Variants in ARHGAP39 observed in about 807,000 individuals in gnomAD.
The protein encoded by ARHGAP39 is rho GTPase-activating protein 39.
Under a neutral mutation model 106.9 loss-of-function variants are expected in ARHGAP39, and 44 were observed. The ratio of observed to expected loss-of-function variants is 0.41; its 90% CI spans 0.32 to 0.53. The LOEUF (loss-of-function observed/expected upper bound fraction) is 0.53. Ranked by LOEUF, ARHGAP39 falls within the 20% of genes least tolerant of loss-of-function variation. The pLI is 0.21. For synonymous variants in ARHGAP39, 768 were observed against 693.2 expected, an observed-to-expected ratio of 1.11 and a Z score of -1.69; for missense variants, 1,496 against 1,577.3, an observed-to-expected ratio of 0.95 and a Z score of 0.87.
intron 1 of ARHGAP39, among the ~76,000 whole-genome samples, chr8:144,672,236 G>C (rs1250548974): frequency 6.6e-6 from 1 of 152,184 alleles, no homozygotes; most frequent in Non-Finnish European, 1.5e-5. Context: ...CAGATTCCGG[G>C]GAAACTTACA....
At chr8:144,654,363 G>C (rs938145977) in intron 1 of ARHGAP39, among the ~76,000 whole-genome samples, 8 of 152,082 alleles carry the variant, frequency 5.3e-5, no homozygotes, top group African/African-American at 1.9e-4. Flanking sequence ...AAATTACCTG[G>C]GCATGGTGGC....
chr8:144,628,520 G>A (rs543530733), intron 1 of ARHGAP39, among the ~76,000 whole-genome samples: 2 of 152,302 alleles, frequency 1.3e-5, no homozygotes, highest in Non-Finnish European at 2.9e-5. Flanking sequence ...AGCAAATGCT[G>A]GCAGAACTGA....
intron 3 of ARHGAP39, among the ~76,000 whole-genome samples, chr8:144,558,143 A>G (rs1586903647): frequency 6.6e-6 from 1 of 152,388 alleles, no homozygotes; most frequent in Non-Finnish European, 1.5e-5. Flanking sequence ...TGCTGTATCA[A>G]TATGAATAAT....
intron 2 of ARHGAP39, among the ~76,000 whole-genome samples, chr8:144,600,605 C>T (rs897385861): frequency 8.9e-5 from 12 of 134,090 alleles, no homozygotes; most frequent in African/African-American, 3.2e-4. Flanking sequence ...TGTGCGTGTT[C>T]GTGGAGGCGT....
chr8:144,657,262 A>G (rs113104774), intron 1 of ARHGAP39, among the ~76,000 whole-genome samples: 5,506 of 152,084 alleles, frequency 0.036, 350 homozygotes, highest in African/African-American at 0.13. Flanking sequence ...AAGACAAAAA[A>G]GGAAATGAAA....
intron 3 of ARHGAP39, among the ~76,000 whole-genome samples, chr8:144,580,504 C>T (rs1818931417): frequency 6.6e-6 from 1 of 152,194 alleles, no homozygotes; most frequent in Admixed American, 6.5e-5. Flanking sequence ...GGGACAGCAG[C>T]GGTGGCTGCT....
chr8:144,628,101 CAG>C (rs1217566953), intron 1 of ARHGAP39, among the ~76,000 whole-genome samples: 3 of 152,218 alleles, frequency 2.0e-5, no homozygotes, highest in African/African-American at 7.2e-5. Context: ...GGCTCTCACT[CAG>C]GGTATTTTGA....
intron 3 of ARHGAP39, among the ~76,000 whole-genome samples, chr8:144,573,951 T>C (rs1315977909): frequency 6.6e-6 from 1 of 151,920 alleles, no homozygotes; most frequent in Non-Finnish European, 1.5e-5. Flanking sequence ...GGCAGGCAGA[T>C]CACTTGAGAC....
intron 3 of ARHGAP39, among the ~76,000 whole-genome samples, chr8:144,566,187 C>T (rs1396096088): frequency 2.0e-5 from 3 of 152,156 alleles, no homozygotes; most frequent in African/African-American, 4.8e-5. Flanking sequence ...AGAAGCTACA[C>T]GAACCCCAGC....
At chr8:144,572,948 G>A (rs961584970) in intron 3 of ARHGAP39, among the ~76,000 whole-genome samples, 8 of 152,150 alleles carry the variant, frequency 5.3e-5, no homozygotes, top group Admixed American at 3.3e-4. Flanking sequence ...TTAGAATGGC[G>A]ATCATTAAAA....
chr8:144,539,099 T>C lies in ARHGAP39; in HGVS notation c.2522-1286A>G, dbSNP rs184897747. Among the ~76,000 whole-genome samples the C allele has an allele frequency of 4.3e-3, 656 of 152,240 alleles. 2 individuals are homozygous for C. The highest frequency in any genetic ancestry group is 6.9e-3 in the Admixed American group (106 of 15,284). On this transcript the variant is annotated intron_variant, in intron 6 of 11. Transcript: ENST00000377307. The stretch of plus-strand genomic sequence containing the variant: ...TCCAAGGAACTCTGGATCGTTTTAA[T>C]GGAAAATGGTATTTAGAAACCAAGA...
At position 144,679,897 on chromosome 8, in the gene ARHGAP39, G is replaced by A. The variant is rs1186947385; in HGVS notation, c.-82+5789C>T. Among the ~76,000 whole-genome samples, 3 of 152,148 alleles carry A rather than the reference G, an allele frequency of 2.0e-5. No individual in the cohort carries two copies. Among genetic ancestry groups the A allele is most frequent in the South Asian group, 2.1e-4 (1 of 4,826 alleles). On this transcript the variant is annotated intron_variant, in intron 1 of 11. Coordinates refer to ENST00000377307, the MANE Select transcript of ARHGAP39 (RefSeq NM_025251.3). The surrounding 1 kb of genome is among the most constrained non-coding windows in gnomAD (Gnocchi z 4.7). ...TGGGAGGCTGAGGCAGGAGAATGGCGTGAACCCAGGATGCGGAGCTTGCAG... is the reference window on the plus strand; with the variant it reads ...TGGGAGGCTGAGGCAGGAGAATGGCATGAACCCAGGATGCGGAGCTTGCAG...
In ARHGAP39 at chr8:144,529,700, A is replaced by G. The variant is rs941713840; in HGVS notation, c.*722T>C. 1 of 152,194 alleles carries G rather than the reference A, an allele frequency of 6.6e-6. No homozygotes were observed. Among genetic ancestry groups the G allele is most frequent in the African/African-American group, 2.4e-5 (1 of 41,450 alleles). 9.4% of individuals were successfully genotyped at this position (152,194 alleles called of 1,614,324 possible). A position where few individuals can be genotyped will look rare whatever the true frequency, so the allele number is the denominator to read the frequency against. ...TTCTTATATCTTTCCCTCTATTTAT[A>G]TCTCTATACACGGTGGGCTGCGATG... On this transcript the variant is annotated 3_prime_UTR_variant, in exon 12 of 12. Transcript: ENST00000377307.
At chr8:144,538,605 T>A (rs1040263870) in intron 6 of ARHGAP39, among the ~76,000 whole-genome samples, 7 of 152,230 alleles carry the variant, frequency 4.6e-5, no homozygotes, top group African/African-American at 1.7e-4. Flanking sequence ...TCACCCAGGC[T>A]GGAGTGAGTG....
In ARHGAP39 at chr8:144,559,180, C is replaced by A. The variant is rs192584580; in HGVS notation, c.513-3537G>T. Among the ~76,000 whole-genome samples the A allele has an allele frequency of 8.0e-3, 1,211 of 151,776 alleles. 16 individuals carry two copies. The highest frequency in any genetic ancestry group is 8.3e-3 in the Non-Finnish European group (567 of 67,918). ...CCAAGATTGCACCACTACACTCCAGCCTGGGCGACAGAGCGAGACTCTGTC... is the reference window on the plus strand; with the variant it reads ...CCAAGATTGCACCACTACACTCCAGACTGGGCGACAGAGCGAGACTCTGTC... On this transcript the variant is annotated intron_variant, in intron 3 of 11. Transcript: ENST00000377307.
the ARHGAP39 span, among the ~76,000 whole-genome samples, chr8:144,692,489 C>T: frequency 6.6e-6 from 1 of 152,200 alleles, no homozygotes; most frequent in Non-Finnish European, 1.5e-5. Context: ...GAAGCGATTA[C>T]TTGCTTAACT....
chr8:144,700,173 CT>C, the ARHGAP39 span, among the ~76,000 whole-genome samples: 15 of 152,240 alleles, frequency 9.9e-5, no homozygotes, highest in Non-Finnish European at 8.8e-5. The surrounding 1 kb of genome is among the most constrained non-coding windows in gnomAD (Gnocchi z 5.6). Flanking sequence ...AGTCTCCCCC[CT>C]GGAGATCCCA....
At chr8:144,657,693 A>C (rs1209931497) in intron 1 of ARHGAP39, among the ~76,000 whole-genome samples, 1 of 152,256 alleles carries the variant, frequency 6.6e-6, no homozygotes, top group Non-Finnish European at 1.5e-5. Flanking sequence ...ACATTTAAAA[A>C]ATCAATCAGT....
chr8:144,575,492 G>A (rs1397411871), intron 3 of ARHGAP39, among the ~76,000 whole-genome samples: 2 of 147,160 alleles, frequency 1.4e-5, no homozygotes, highest in East Asian at 3.9e-4. Context: ...TACAAACTAC[G>A]ACACAAACAC....
Sources: gnomAD v4.1 joint callset for allele counts (sites outside exome capture counted in the v4.1 genomes callset) on GRCh38, gnomAD v4.1.1 for gene constraint, Gnocchi (gnomAD v3.1) non-coding constraint, MANE v1.5 for transcripts, NCBI Gene and HGNC (gene_info 2026-07-23, HGNC 2026-07-21) for gene names.